Variants in SLC6A9 observed in about 807,000 individuals in gnomAD.
SLC6A9 encodes solute carrier family 6 member 9, also known as sodium- and chloride-dependent glycine transporter 1.
A neutral mutation model predicts 70.9 loss-of-function variants in SLC6A9; 31 were observed. That is an observed-to-expected ratio of 0.44 (90% CI 0.33 to 0.59). The LOEUF (loss-of-function observed/expected upper bound fraction) is 0.59. Among genes scored for constraint, SLC6A9 ranks in the 20% least tolerant of loss-of-function variants. The pLI, the probability that SLC6A9 is intolerant of heterozygous loss-of-function variation, is 0.04. For missense variants in SLC6A9, 631 were observed against 845.2 expected (o/e 0.75, Z 3.14); for synonymous variants, 310 against 341.3 (o/e 0.91, Z 1.01).
At chr1:44,019,935 A>C (rs2086850132) in intron 2 of SLC6A9, among the ~76,000 whole-genome samples, 1 of 112,112 alleles carries the variant, frequency 8.9e-6, no homozygotes, top group Admixed American at 1.0e-4. Context: ...AGGGTTGAGT[A>C]GGTGGGCTAG....
At position 43,997,561 on chromosome 1, in the gene SLC6A9, T is replaced by C. The variant is rs1482886816; in HGVS notation, c.1886A>G (p.Gln629Arg). 1 of 1,613,272 alleles carries C rather than the reference T, an allele frequency of 6.2e-7. No individual in the cohort carries two copies. ...IVGSNGSSRL[Q>R]DSRI is the part of the protein sequence containing the mutation. ...CAGCTGTGCTCATATCCGGGAGTCCTGGAGGCGGCTGGAGCCATTACTGCC... is the reference window on the plus strand; with the variant it reads ...CAGCTGTGCTCATATCCGGGAGTCCCGGAGGCGGCTGGAGCCATTACTGCC... Residue 629 changes from glutamine to arginine, a missense_variant, in exon 14 of 14, where the codon CAG becomes CGG. Transcript: ENST00000372310. The surrounding 1 kb of genome is among the most constrained non-coding windows in gnomAD (Gnocchi z 4.4).
At chr1:44,016,168 G>A (rs916863367) in intron 2 of SLC6A9, among the ~76,000 whole-genome samples, 92 of 152,312 alleles carry the variant, frequency 6.0e-4, no homozygotes, top group Admixed American at 2.4e-3. Context: ...CCAGCTCCTC[G>A]CTTCCCACCC....
At chr1:44,009,655 T>A (rs1557681244) in intron 4 of SLC6A9, among the ~76,000 whole-genome samples, 1 of 152,204 alleles carries the variant, frequency 6.6e-6, no homozygotes, top group African/African-American at 2.4e-5. Context: ...TAATAATTTC[T>A]AAGGGCCCAA....
At chr1:44,017,339 T>G in intron 2 of SLC6A9, 1 of 1,383,998 alleles carries the variant, frequency 7.2e-7, no homozygotes. Flanking sequence ...TGTTGTGTTT[T>G]TCCCTTGTTC....
At chr1:44,028,406 G>A (rs1391351168) in intron 1 of SLC6A9, among the ~76,000 whole-genome samples, 1 of 152,212 alleles carries the variant, frequency 6.6e-6, no homozygotes, top group Admixed American at 6.5e-5. Flanking sequence ...CCTAGATACA[G>A]TGTGGAGAAA....
intron 5 of SLC6A9, among the ~76,000 whole-genome samples, chr1:44,005,842 G>A (rs943351401): frequency 2.0e-5 from 3 of 152,228 alleles, no homozygotes; most frequent in Admixed American, 6.5e-5. Flanking sequence ...AGGGCAGCAG[G>A]GAGCCGTGCT....
chr1:44,022,985 C>G (rs183351505), intron 2 of SLC6A9, among the ~76,000 whole-genome samples: 223 of 152,200 alleles, frequency 1.5e-3, no homozygotes, highest in Non-Finnish European at 2.5e-3. Flanking sequence ...GGATTACAGG[C>G]GTGAGCCACC....
Position 44,010,582 on chromosome 1 carries a change from T to A in SLC6A9, c.187+144A>T, listed in dbSNP as rs560045696. The A allele has an allele frequency of 5.3e-4, 397 of 748,710 alleles. 3 individuals carry two copies. In the African/African-American group the frequency reaches 6.2e-3, roughly 12 times the overall value. 46.4% of individuals were successfully genotyped at this position (748,710 alleles called of 1,614,324 possible). A position where few individuals can be genotyped will look rare whatever the true frequency, so the allele number is the denominator to read the frequency against. Reference sequence around the variant, plus strand: ...TGGCCTGCCTTAGGCAAAGGGTGCCTAAGCCAGGGATGGGGGCGAAGGAGG... The same window carrying A: ...TGGCCTGCCTTAGGCAAAGGGTGCCAAAGCCAGGGATGGGGGCGAAGGAGG... On this transcript the variant is annotated intron_variant, in intron 3 of 13. Coordinates refer to ENST00000372310, the MANE Select transcript of SLC6A9 (RefSeq NM_001024845.3).
In SLC6A9 at chr1:44,004,926, C is replaced by T. The variant is rs77081197; in HGVS notation, c.591-1941G>A. On this transcript the variant is annotated intron_variant, in intron 5 of 13. Transcript: ENST00000372310. ...CTCCACATGACAAATCTTATTTCCC[C>T]GGCCAGGTGGTGAGTGCCTTGAGAA... Among the ~76,000 whole-genome samples the T allele has an allele frequency of 5.5e-3, 843 of 152,314 alleles. 7 individuals are homozygous for T. The East Asian group carries it at 0.062, about 11-fold the overall frequency.
rs200037433 is a variant in SLC6A9 at position 43,997,985 on chromosome 1, G to A, written c.1577C>T (p.Thr526Ile). The change falls in exon 13 of 14, where the codon ACC (threonine) becomes ATC (isoleucine). Residue 526 changes from threonine (T) to isoleucine (I), a missense_variant. Transcript: ENST00000372310. The surrounding 1 kb of genome is among the most constrained non-coding windows in gnomAD (Gnocchi z 4.4). The part of the protein sequence containing the change: ...VFTVIQYQPI[T>I]YNHYQYPGWA... ...GCCTGGGTACTGGTAGTGGTTGTAG[G>A]TGATCGGCTGGTACTGGATCACAGT... 6.2e-7 allele frequency: 1 copy of A among 1,614,070 alleles called. No individual in the cohort carries two copies. The highest frequency in any genetic ancestry group is 1.7e-5 in the Admixed American group (1 of 60,008).
intron 2 of SLC6A9, chr1:44,017,062 G>A (rs1224166638): frequency 1.3e-6 from 2 of 1,599,404 alleles, no homozygotes; most frequent in Non-Finnish European, 1.7e-6. Flanking sequence ...CTGGGGAAGA[G>A]GGGGCCACAG....
At chr1:44,017,369 ACACACAC>A in intron 2 of SLC6A9, 2 of 9,222 alleles carry the variant, frequency 2.2e-4, no homozygotes, top group Non-Finnish European at 3.1e-4. Flanking sequence ...AACTGGAACA[ACACACAC>A]ACACACACAC....
rs563560082 is a variant in SLC6A9, at chr1:44,002,745, C to T, written c.724-99G>A. On this transcript the variant is annotated intron_variant, in intron 6 of 13. Coordinates refer to ENST00000372310, the MANE Select transcript of SLC6A9 (RefSeq NM_001024845.3). The surrounding 1 kb of genome is among the most constrained non-coding windows in gnomAD (Gnocchi z 5.5). ...CACCACCAGCCCCCTGGTCCCTCTC[C>T]GGCTCCGGAGTCCCTTCAGCATCCC... 3.0e-4 allele frequency: 478 copies of T among 1,593,538 alleles called. No homozygotes were observed. The African/African-American group carries it at 3.0e-3, about 10-fold the overall frequency.
At chr1:44,031,219 CAGCCCCGCGG>C (rs1467913843) in intron 1 of SLC6A9, 77 bp downstream of exon 1, 5 of 152,748 alleles carry the variant, frequency 3.3e-5, no homozygotes. Context: ...TCCTGGGGCT[CAGCCCCGCGG>C]AGCCGCCGAA....
chr1:44,018,195 G>A lies in SLC6A9; in HGVS notation c.30+6053C>T, dbSNP rs566875014. On this transcript the variant is annotated intron_variant, in intron 2 of 13. Transcript: ENST00000372310. This position sits in a 1 kb window ranked among gnomAD's most constrained non-coding sequence, Gnocchi z 4.2. The stretch of plus-strand genomic sequence containing the variant: ...CAGGAAATATCAGTCAGATGGACAC[G>A]TGCATGAATTCTGGTGTAAGAACAG... 7.2e-5 allele frequency among the ~76,000 whole-genome samples: 11 copies of A among 152,346 alleles called. No homozygotes were observed. Among genetic ancestry groups the A allele is most frequent in the African/African-American group, 2.4e-4 (10 of 41,588 alleles).
intron 5 of SLC6A9, among the ~76,000 whole-genome samples, chr1:44,008,056 G>C (rs1459494489): frequency 6.6e-6 from 1 of 152,130 alleles, no homozygotes; most frequent in Non-Finnish European, 1.5e-5. Flanking sequence ...TTTTAGTAGA[G>C]ACAGGGTTTC....
Position 44,002,816 on chromosome 1 carries a change from T to G in SLC6A9, c.723+37A>C. Reference sequence around the variant, plus strand: ...ACCCAGGTAGGGGGCAGGGTCTTTCTGGGTGGGCACAGACCCTGCTGGGGA... The same window carrying G: ...ACCCAGGTAGGGGGCAGGGTCTTTCGGGGTGGGCACAGACCCTGCTGGGGA... On this transcript the variant is annotated intron_variant, in intron 6 of 13. Coordinates refer to ENST00000372310, the MANE Select transcript of SLC6A9 (RefSeq NM_001024845.3). The surrounding 1 kb of genome is among the most constrained non-coding windows in gnomAD (Gnocchi z 5.5). 6.2e-7 allele frequency: 1 copy of G among 1,612,498 alleles called. No homozygotes were observed. The highest frequency in any genetic ancestry group is 8.5e-7 in the Non-Finnish European group (1 of 1,178,866).
At position 44,011,512 on chromosome 1, in the gene SLC6A9, G is replaced by A. The variant is rs771116831; in HGVS notation, c.31-630C>T. 5 of 1,553,524 alleles carry A rather than the reference G, an allele frequency of 3.2e-6. No individual in the cohort carries two copies. In the Admixed American group the frequency reaches 8.4e-5, roughly 26 times the overall value. ...TGGGACTCTAGGTGGGAGGGTCCGG[G>A]GAGCTAGCTACACTGCCCATGGCTG... On this transcript the variant is annotated intron_variant, in intron 2 of 13. Transcript: ENST00000372310.
At chr1:44,026,738 G>A (rs77418878) in intron 1 of SLC6A9, among the ~76,000 whole-genome samples, 1,748 of 152,200 alleles carry the variant, frequency 0.011, 43 homozygotes, top group African/African-American at 0.041. Flanking sequence ...GTAAACTGAG[G>A]ACACTGTGTC....
Sources: gnomAD v4.1 joint callset for allele counts (sites outside exome capture counted in the v4.1 genomes callset) on GRCh38, gnomAD v4.1.1 for gene constraint, Gnocchi (gnomAD v3.1) non-coding constraint, MANE v1.5 for transcripts, NCBI Gene and HGNC (gene_info 2026-07-23, HGNC 2026-07-21) for gene names.